DNAH14: variants seen among roughly 807,000 people sequenced by gnomAD.
DNAH14 encodes axonemal beta dynein heavy chain 14.
A neutral mutation model predicts 520.9 loss-of-function variants in DNAH14; 478 were observed. The ratio of observed to expected loss-of-function variants is 0.92; its 90% CI spans 0.85 to 0.99. The LOEUF is 0.99. Ranked by LOEUF, DNAH14 falls within the 50% of genes least tolerant of loss-of-function variation. The pLI, the probability that DNAH14 is intolerant of heterozygous loss-of-function variation, is 0.00. For synonymous variants in DNAH14, 1,581 were observed against 1,757.2 expected, an observed-to-expected ratio of 0.90 and a Z score of 2.51; for missense variants, 4,831 against 5,234.5, an observed-to-expected ratio of 0.92 and a Z score of 2.38.
chr1:224,964,040 T>C (rs2061000488), intron 4 of DNAH14, among the ~76,000 whole-genome samples: 1 of 152,096 alleles, frequency 6.6e-6, no homozygotes, highest in African/African-American at 2.4e-5. Flanking sequence ...AAGGAGAAGA[T>C]TGTCAATTGT....
chr1:224,987,928 T>A (rs772589094), intron 8 of DNAH14, among the ~76,000 whole-genome samples: 2 of 152,166 alleles, frequency 1.3e-5, no homozygotes, highest in Non-Finnish European at 2.9e-5. Flanking sequence ...CTGGGGTACA[T>A]GTGCAGGACG....
chr1:225,176,006 G>A (rs750417640), intron 36 of DNAH14, among the ~76,000 whole-genome samples: 2 of 151,840 alleles, frequency 1.3e-5, no homozygotes, highest in Non-Finnish European at 1.5e-5. Context: ...CACCCACCTC[G>A]GACTCCCAAA....
intron 55 of DNAH14, among the ~76,000 whole-genome samples, chr1:225,298,112 G>T (rs1335848146): frequency 6.6e-6 from 1 of 152,302 alleles, no homozygotes; most frequent in East Asian, 1.9e-4. Flanking sequence ...CCTGAAGGGG[G>T]TGTGTCTGCC....
At chr1:225,031,298 A>G (rs1193746183) in intron 11 of DNAH14, among the ~76,000 whole-genome samples, 1 of 152,088 alleles carries the variant, frequency 6.6e-6, no homozygotes, top group Non-Finnish European at 1.5e-5. Context: ...ACTTAGACCA[A>G]GTGTCAACAA....
At chr1:225,379,902 A>G (rs1022498697) in intron 79 of DNAH14, among the ~76,000 whole-genome samples, 3 of 152,240 alleles carry the variant, frequency 2.0e-5, no homozygotes, top group Non-Finnish European at 4.4e-5. Flanking sequence ...CATACAATGT[A>G]TAGTGATCAG....
intron 41 of DNAH14, among the ~76,000 whole-genome samples, chr1:225,209,695 T>C (rs2088086241): frequency 6.6e-6 from 1 of 152,208 alleles, no homozygotes; most frequent in African/African-American, 2.4e-5. Context: ...TAAAGTGTTT[T>C]ATATTTAGCT....
At chr1:225,381,857 A>G (rs1185234890) in intron 81 of DNAH14, among the ~76,000 whole-genome samples, 1 of 152,242 alleles carries the variant, frequency 6.6e-6, no homozygotes, top group Non-Finnish European at 1.5e-5. Flanking sequence ...TGGTATTACT[A>G]TAAGTGTTGA....
intron 8 of DNAH14, among the ~76,000 whole-genome samples, chr1:224,979,325 G>A (rs1429749791): frequency 6.6e-6 from 1 of 152,178 alleles, no homozygotes; most frequent in East Asian, 1.9e-4. Flanking sequence ...GCACTTAGAG[G>A]AGGGAGAGTG....
chr1:225,005,327 A>C (rs1438067246), intron 9 of DNAH14, among the ~76,000 whole-genome samples: 3 of 152,204 alleles, frequency 2.0e-5, no homozygotes, highest in African/African-American at 7.2e-5. Context: ...TTCCTCAGTT[A>C]ACTGTTAGGC....
intron 7 of DNAH14, chr1:224,969,886 A>G (rs2061405103): frequency 6.6e-6 from 1 of 152,388 alleles, no homozygotes; most frequent in African/African-American, 2.4e-5. Flanking sequence ...GCTGAGGAGG[A>G]TGTATGTCAC....
chr1:225,273,430 C>T (rs2093369914), intron 52 of DNAH14, among the ~76,000 whole-genome samples: 1 of 152,252 alleles, frequency 6.6e-6, no homozygotes, highest in Admixed American at 6.5e-5. Context: ...CAGAGCGAGA[C>T]TCCGTCTCAA....
intron 41 of DNAH14, among the ~76,000 whole-genome samples, chr1:225,230,754 G>A (rs650112): frequency 0.24 from 36,681 of 151,920 alleles, 5,539 homozygotes; most frequent in East Asian, 0.54. Flanking sequence ...ATATTTGGTC[G>A]TAGTCACTTG....
intron 61 of DNAH14, among the ~76,000 whole-genome samples, chr1:225,321,153 A>G (rs958367575): frequency 6.6e-5 from 10 of 152,226 alleles, no homozygotes; most frequent in African/African-American, 2.4e-4. Flanking sequence ...CTAATGATTG[A>G]GCTATTCAAA....
In DNAH14 at chr1:225,185,364, C is replaced by T; in HGVS notation, c.5609C>T (p.Ala1870Val). The stretch of plus-strand genomic sequence containing the variant: ...ACAGTCAGAAGAATTTTGGAAAAAG[C>T]ATTAACGCTATTACCAATTGCAGAC... Reference protein sequence around the residue: ...KTTVRRILEKALTLLPIADFL... With the variant: ...KTTVRRILEKVLTLLPIADFL... Residue 1870 changes from alanine to valine, a missense_variant, in exon 37 of 86, where the codon GCA (alanine) becomes GTA (valine). Physicochemically the swap from Ala to Val is moderately conservative, Grantham distance 64. Coordinates refer to ENST00000682510, the MANE Select transcript of DNAH14 (RefSeq NM_001367479.1). 6.5e-7 allele frequency: 1 copy of T among 1,547,666 alleles called. No homozygotes were observed. The highest frequency in any genetic ancestry group is 2.5e-5 in the East Asian group (1 of 40,428).
In DNAH14 at chr1:225,388,413, C is replaced by G; in HGVS notation, c.13112C>G (p.Ser4371Cys). 6.5e-7 allele frequency: 1 copy of G among 1,533,852 alleles called. No individual in the cohort carries two copies. Among genetic ancestry groups the G allele is most frequent in the Middle Eastern group, 1.7e-4 (1 of 5,918 alleles). The part of the protein sequence containing the change: ...HAYRSCKPLS[S>C]WIDDLIQRLN... ...TACAGATCTTGTAAGCCACTGAGTT[C>G]CTGGATTGATGATCTCATCCAGCGA... The change falls in exon 82 of 86, where the codon TCC becomes TGC. Residue 4371 changes from serine (S) to cysteine (C), a missense_variant. Ser to Cys is a moderately radical substitution (Grantham distance 112). Coordinates refer to ENST00000682510, the MANE Select transcript of DNAH14 (RefSeq NM_001367479.1).
chr1:225,298,109 G>C (rs182957070), intron 55 of DNAH14, among the ~76,000 whole-genome samples: 1 of 152,190 alleles, frequency 6.6e-6, no homozygotes, highest in Non-Finnish European at 1.5e-5. Context: ...TGACCTGAAG[G>C]GGGTGTGTCT....
At chr1:225,314,244 G>A in intron 60 of DNAH14, among the ~76,000 whole-genome samples, 1 of 152,136 alleles carries the variant, frequency 6.6e-6, no homozygotes, top group East Asian at 1.9e-4. Context: ...TGTTTTATCA[G>A]AGACGAGGAT....
At chr1:225,268,566 T>C (rs1159930809) in intron 49 of DNAH14, among the ~76,000 whole-genome samples, 1 of 152,246 alleles carries the variant, frequency 6.6e-6, no homozygotes, top group African/African-American at 2.4e-5. Flanking sequence ...CATGATTGTA[T>C]ATTTAGAAAA....
At chr1:225,380,042 A>T (rs2095760196) in intron 79 of DNAH14, 117 bp from the exon 80 acceptor site, 1 of 1,093,488 alleles carries the variant, frequency 9.1e-7, no homozygotes, top group African/African-American at 1.6e-5. Context: ...CTACAGTGGT[A>T]TAGAACACTA....
Sources: allele counts gnomAD v4.1 joint callset (sites outside exome capture counted in the v4.1 genomes callset), GRCh38; gene constraint gnomAD v4.1.1; transcripts MANE v1.5; gene names NCBI Gene and HGNC (gene_info 2026-07-23, HGNC 2026-07-21).